Variants in OR14I1 observed in about 807,000 individuals in gnomAD.
OR14I1 encodes olfactory receptor 14I1.
For missense variants in OR14I1, 279 were observed against 181.8 expected, an observed-to-expected ratio of 1.53 and a Z score of -3.07; for synonymous variants, 118 against 71.1, an observed-to-expected ratio of 1.66 and a Z score of -3.32.
chr1:248,683,964 G>A (rs1338609320), upstream of OR14I1, among the ~76,000 whole-genome samples: 1 of 152,206 alleles, frequency 6.6e-6, no homozygotes, highest in Admixed American at 6.5e-5. Flanking sequence ...CCTGGGAGGT[G>A]GAGGTGGCAG....
chr1:248,687,281 T>A (rs116177424), upstream of OR14I1, among the ~76,000 whole-genome samples: 1,849 of 152,360 alleles, frequency 0.012, 32 homozygotes, highest in African/African-American at 0.034. Context: ...TTGTTTTACT[T>A]CATCACTATG....
chr1:248,700,935 T>TA, the OR14I1 span, among the ~76,000 whole-genome samples: 1 of 152,240 alleles, frequency 6.6e-6, no homozygotes, highest in Non-Finnish European at 1.5e-5. Flanking sequence ...AATTCCCAGT[T>TA]TTATTCAAAC....
At chr1:248,682,365 CA>C, upstream of OR14I1, 1 of 669,868 alleles carries the variant, frequency 1.5e-6, no homozygotes, top group Non-Finnish European at 2.7e-6. Context: ...TTAAATGAGA[CA>C]AAAAGTGAAC....
At chr1:248,692,132 G>A in the OR14I1 span, 70 of 152,604 alleles carry the variant, frequency 4.6e-4, no homozygotes, top group African/African-American at 1.6e-3. Flanking sequence ...GGAGCGACGG[G>A]GCCGGCCGCA....
upstream of OR14I1, among the ~76,000 whole-genome samples, chr1:248,686,955 T>C (rs1223151040): frequency 6.6e-6 from 1 of 152,192 alleles, no homozygotes; most frequent in South Asian, 2.1e-4. Flanking sequence ...TAGTTTCCCA[T>C]AGAGACTGGG....
upstream of OR14I1, among the ~76,000 whole-genome samples, chr1:248,687,185 G>C (rs772264302): frequency 2.0e-5 from 3 of 152,304 alleles, no homozygotes; most frequent in Non-Finnish European, 4.4e-5. Flanking sequence ...AGTGAAAAAA[G>C]TAAAGGATTT....
chr1:248,700,877 G>A, the OR14I1 span, among the ~76,000 whole-genome samples: 1 of 152,046 alleles, frequency 6.6e-6, no homozygotes, highest in Non-Finnish European at 1.5e-5. Flanking sequence ...ATGCTCATTG[G>A]GTGAATCATG....
chr1:248,694,549 TC>T, the OR14I1 span, among the ~76,000 whole-genome samples: 140 of 152,292 alleles, frequency 9.2e-4, no homozygotes, highest in African/African-American at 3.3e-3. Context: ...CTTGTTTTTT[TC>T]CCCTTAAAAG....
chr1:248,688,360 C>T, the OR14I1 span, among the ~76,000 whole-genome samples: 1 of 152,232 alleles, frequency 6.6e-6, no homozygotes, highest in African/African-American at 2.4e-5. Flanking sequence ...GACCTTCTTA[C>T]AAATGGAGAT....
At chr1:248,701,712 C>T in the OR14I1 span, among the ~76,000 whole-genome samples, 13 of 152,036 alleles carry the variant, frequency 8.6e-5, 1 homozygote, top group African/African-American at 9.7e-5. Flanking sequence ...ATCAAGAGAG[C>T]GATATCACCA....
chr1:248,695,008 T>A, the OR14I1 span, among the ~76,000 whole-genome samples: 3 of 152,172 alleles, frequency 2.0e-5, no homozygotes, highest in African/African-American at 7.2e-5. Flanking sequence ...TTATTTTAAT[T>A]AATTTTAAAT....
downstream of OR14I1, among the ~76,000 whole-genome samples, chr1:248,679,232 G>A (rs146669736): frequency 7.1e-3 from 1,088 of 152,220 alleles, 21 homozygotes; most frequent in African/African-American, 0.024. Flanking sequence ...TAAAAACTCT[G>A]TACAAATTTT....
At chr1:248,699,017 T>C in the OR14I1 span, 6 of 152,238 alleles carry the variant, frequency 3.9e-5, no homozygotes, top group Non-Finnish European at 8.8e-5. Context: ...ATCTCCCATC[T>C]TCTTTGTTCT....
the OR14I1 span, among the ~76,000 whole-genome samples, chr1:248,701,710 A>T: frequency 6.6e-6 from 1 of 152,194 alleles, no homozygotes; most frequent in Non-Finnish European, 1.5e-5. Flanking sequence ...AAATCAAGAG[A>T]GCGATATCAC....
At chr1:248,678,808 T>C (rs918236261), downstream of OR14I1, among the ~76,000 whole-genome samples, 1 of 151,984 alleles carries the variant, frequency 6.6e-6, no homozygotes, top group Non-Finnish European at 1.5e-5. Flanking sequence ...GGCCAACAGT[T>C]TGGGAAAGAA....
chr1:248,687,828 G>A, the OR14I1 span, among the ~76,000 whole-genome samples: 2 of 152,208 alleles, frequency 1.3e-5, no homozygotes, highest in East Asian at 3.8e-4. Context: ...CTATAAGGCA[G>A]TAGAAAAATA....
At chr1:248,699,187 T>C in the OR14I1 span, 1 of 152,236 alleles carries the variant, frequency 6.6e-6, no homozygotes, top group Non-Finnish European at 1.5e-5. Context: ...ATGAGTTTAC[T>C]TGTTGTGTAT....
the OR14I1 span, among the ~76,000 whole-genome samples, chr1:248,689,047 C>T: frequency 9.2e-5 from 14 of 152,184 alleles, no homozygotes; most frequent in East Asian, 1.7e-3. Flanking sequence ...ATGCAAAGGC[C>T]TGACTATTTA....
At chr1:248,693,745 C>G in the OR14I1 span, among the ~76,000 whole-genome samples, 4 of 151,194 alleles carry the variant, frequency 2.6e-5, no homozygotes, top group Non-Finnish European at 5.9e-5. Context: ...GAGCCCAAAC[C>G]CAGCCCCACT....
Sources: gnomAD v4.1 joint callset for allele counts (sites outside exome capture counted in the v4.1 genomes callset) on GRCh38, gnomAD v4.1.1 for gene constraint, MANE v1.5 for transcripts, NCBI Gene and HGNC (gene_info 2026-07-23, HGNC 2026-07-21) for gene names.